Variants in STXBP5L observed in about 807,000 individuals in gnomAD.
STXBP5L encodes syntaxin binding protein 5L.
STXBP5L carries 65 observed loss-of-function variants against 144.5 expected under a neutral mutation model. That is an observed-to-expected ratio of 0.45 (90% CI 0.37 to 0.55). The LOEUF (loss-of-function observed/expected upper bound fraction) is 0.55, where lower values mean the gene tolerates loss of function less well. STXBP5L is among the 20% of genes least tolerant of loss of function. The pLI is 0.00. For synonymous variants in STXBP5L, 505 were observed against 469.6 expected (o/e 1.08, Z -0.97); for missense variants, 1,298 against 1,405.5 (o/e 0.92, Z 1.22).
chr3:121,370,472 C>T (rs2045997730), intron 20 of STXBP5L, among the ~76,000 whole-genome samples: 1 of 152,206 alleles, frequency 6.6e-6, no homozygotes, highest in Non-Finnish European at 1.5e-5. Context: ...TCCTCAGAAG[C>T]AGAAGCCTGT....
intron 25 of STXBP5L, among the ~76,000 whole-genome samples, chr3:121,416,292 A>C (rs907029707): frequency 5.3e-5 from 8 of 151,802 alleles, no homozygotes; most frequent in Admixed American, 4.6e-4. Context: ...TATTCAAAAA[A>C]GTCTGGAAAA....
chr3:121,008,662 C>T (rs1235861803), intron 3 of STXBP5L, among the ~76,000 whole-genome samples: 1 of 151,996 alleles, frequency 6.6e-6, no homozygotes, highest in Non-Finnish European at 1.5e-5. Flanking sequence ...CCAGCACACT[C>T]TTAGGCTGCT....
rs576324344 is a variant in STXBP5L at position 121,339,930 on chromosome 3, G to A, written c.2176+21390G>A. ...ATGATACAAACAAATGGAAATACGT[G>A]TCATGCTCATGGATTGGAAGAATCA... is the stretch of plus-strand genomic sequence containing the variant. On this transcript the variant is annotated intron_variant, in intron 20 of 26. Coordinates refer to ENST00000471454, the MANE Select transcript of STXBP5L (RefSeq NM_001308330.2). Among the ~76,000 whole-genome samples, 361 of 152,082 alleles carry A rather than the reference G, an allele frequency of 2.4e-3. 2 individuals are homozygous for A. Among genetic ancestry groups the A allele is most frequent in the Non-Finnish European group, 3.6e-3 (243 of 67,984 alleles).
intron 9 of STXBP5L, among the ~76,000 whole-genome samples, chr3:121,201,825 A>G (rs982590137): frequency 6.6e-6 from 1 of 152,108 alleles, no homozygotes; most frequent in Non-Finnish European, 1.5e-5. Flanking sequence ...TTTCTTTAAG[A>G]ATGTTGAATA....
intron 5 of STXBP5L, among the ~76,000 whole-genome samples, chr3:121,060,003 A>G (rs1206108829): frequency 6.6e-6 from 1 of 152,136 alleles, no homozygotes; most frequent in African/African-American, 2.4e-5. Context: ...AACTTCCAAT[A>G]CTATGTTGAA....
At chr3:121,248,483 G>A (rs1360932367) in intron 14 of STXBP5L, among the ~76,000 whole-genome samples, 1 of 151,968 alleles carries the variant, frequency 6.6e-6, no homozygotes, top group Non-Finnish European at 1.5e-5. Flanking sequence ...CTTTTTAATG[G>A]GATTATCTGG....
At chr3:121,062,991 T>C (rs1392649362) in intron 5 of STXBP5L, among the ~76,000 whole-genome samples, 2 of 152,220 alleles carry the variant, frequency 1.3e-5, no homozygotes, top group African/African-American at 2.4e-5. Context: ...TTACCCATCT[T>C]CTGAAGCCTA....
At chr3:121,308,792 AAGT>A (rs1465858368) in intron 19 of STXBP5L, among the ~76,000 whole-genome samples, 1 of 152,086 alleles carries the variant, frequency 6.6e-6, no homozygotes, top group Non-Finnish European at 1.5e-5. Flanking sequence ...AAATTATATA[AAGT>A]AGTAATTATA....
intron 19 of STXBP5L, among the ~76,000 whole-genome samples, chr3:121,317,547 A>G (rs1302066992): frequency 6.6e-6 from 1 of 152,196 alleles, no homozygotes; most frequent in Admixed American, 6.5e-5. Flanking sequence ...TATTTTGGTC[A>G]TTGAAAATAG....
chr3:121,312,196 GA>G (rs2043555191), intron 19 of STXBP5L, among the ~76,000 whole-genome samples: 1 of 151,946 alleles, frequency 6.6e-6, no homozygotes, highest in African/African-American at 2.4e-5. Flanking sequence ...ATTAATTCAA[GA>G]TGGATTAAAG....
At chr3:121,258,975 A>C in intron 17 of STXBP5L, 68 bp from the exon 18 acceptor site, 1 of 1,413,872 alleles carries the variant, frequency 7.1e-7, no homozygotes, top group Non-Finnish European at 9.4e-7. Flanking sequence ...ATTCTATGTA[A>C]ATTCTCAAGA....
chr3:120,948,723 A>G (rs1711009218), intron 2 of STXBP5L, among the ~76,000 whole-genome samples: 1 of 151,940 alleles, frequency 6.6e-6, no homozygotes. Flanking sequence ...GTTTCTGTAA[A>G]TGCTATTATT....
intron 3 of STXBP5L, among the ~76,000 whole-genome samples, chr3:121,032,493 T>C (rs1047632321): frequency 6.6e-6 from 1 of 151,820 alleles, no homozygotes; most frequent in African/African-American, 2.4e-5. Context: ...GGCATTACCA[T>C]TCAGGACATA....
At chr3:121,247,892 G>A (rs1001995479) in intron 14 of STXBP5L, among the ~76,000 whole-genome samples, 8 of 152,108 alleles carry the variant, frequency 5.3e-5, no homozygotes, top group East Asian at 3.9e-4. Flanking sequence ...TCTCCCAACC[G>A]CTTTCTACTT....
chr3:121,338,605 A>AG (rs2044592946), intron 20 of STXBP5L, among the ~76,000 whole-genome samples: 1 of 149,528 alleles, frequency 6.7e-6, no homozygotes, highest in South Asian at 2.1e-4. Context: ...AAAAAAAAAA[A>AG]AAAAGAGAGA....
chr3:121,312,047 C>T (rs562071168), intron 19 of STXBP5L, among the ~76,000 whole-genome samples: 16 of 152,250 alleles, frequency 1.1e-4, no homozygotes, highest in East Asian at 3.9e-4. Context: ...TGCATATCTA[C>T]GACTGTCTGA....
chr3:121,244,560 G>A (rs2049779811), intron 14 of STXBP5L, among the ~76,000 whole-genome samples: 1 of 151,844 alleles, frequency 6.6e-6, no homozygotes, highest in South Asian at 2.1e-4. Flanking sequence ...GAAAGAAATG[G>A]AAATTCAAAT....
intron 20 of STXBP5L, among the ~76,000 whole-genome samples, chr3:121,369,557 G>A (rs147056462): frequency 2.7e-4 from 40 of 150,432 alleles, no homozygotes; most frequent in Middle Eastern, 3.4e-3. Context: ...TGGTGGTGTC[G>A]TGGTTCTTTG....
intron 6 of STXBP5L, among the ~76,000 whole-genome samples, chr3:121,121,355 G>A (rs1443214635): frequency 6.6e-6 from 1 of 151,064 alleles, no homozygotes; most frequent in East Asian, 1.9e-4. Context: ...ATTCAGAGGC[G>A]CTTATCTGAC....
Sources: gnomAD v4.1 joint callset for allele counts (sites outside exome capture counted in the v4.1 genomes callset) on GRCh38, gnomAD v4.1.1 for gene constraint, MANE v1.5 for transcripts, NCBI Gene and HGNC (gene_info 2026-07-23, HGNC 2026-07-21) for gene names.